PTPRG: variants seen among roughly 807,000 people sequenced by gnomAD.
PTPRG encodes protein tyrosine phosphatase receptor type G, also known as receptor-type tyrosine-protein phosphatase gamma.
PTPRG carries 102 observed loss-of-function variants against 165.3 expected under a neutral mutation model. The observed-to-expected ratio is 0.62, with a 90% confidence interval of 0.53 to 0.73. PTPRG has a LOEUF of 0.73. PTPRG is among the 30% of genes least tolerant of loss of function. The probability of loss-of-function intolerance (pLI) is 0.00; values close to 1 mark genes in which losing one functional copy is unlikely to be tolerated. For missense variants in PTPRG, 1,866 were observed against 1,861.4 expected, an observed-to-expected ratio of 1.00 and a Z score of -0.05; for synonymous variants, 675 against 669.5, an observed-to-expected ratio of 1.01 and a Z score of -0.13.
At chr3:62,122,596 C>G (rs571858584) in intron 5 of PTPRG, among the ~76,000 whole-genome samples, 12 of 152,208 alleles carry the variant, frequency 7.9e-5, no homozygotes, top group African/African-American at 2.7e-4. Flanking sequence ...GCACCTTTCA[C>G]TTAGGTTCTG....
At chr3:62,205,146 C>A (rs1700197729) in intron 12 of PTPRG, among the ~76,000 whole-genome samples, 1 of 151,986 alleles carries the variant, frequency 6.6e-6, no homozygotes, top group Admixed American at 6.6e-5. Flanking sequence ...CTTAAAGCTG[C>A]TATGAACTAA....
rs2148901970 is a variant in PTPRG, at chr3:62,289,932, G to A, written c.4056-2489G>A. On this transcript the variant is annotated intron_variant, in intron 28 of 29. Transcript: ENST00000474889. ...AGAAGAAGCGTAAAAGATAAAAAGA[G>A]GGAAAGTTCGCATTATTGGCAGATA... Among the ~76,000 whole-genome samples, 2 of 152,114 alleles carry A rather than the reference G, an allele frequency of 1.3e-5. 1 individual carries two copies. Among genetic ancestry groups the A allele is most frequent in the South Asian group, 4.2e-4 (2 of 4,808 alleles).
At chr3:62,280,386 T>A (rs1328517656) in intron 26 of PTPRG, among the ~76,000 whole-genome samples, 2 of 151,928 alleles carry the variant, frequency 1.3e-5, no homozygotes, top group African/African-American at 4.8e-5. Context: ...AGTAGTAGAA[T>A]CATGAAATAC....
chr3:61,591,293 C>T (rs1575523043), intron 1 of PTPRG, among the ~76,000 whole-genome samples: 1 of 152,170 alleles, frequency 6.6e-6, no homozygotes, highest in African/African-American at 2.4e-5. Context: ...GTACTGGATA[C>T]CCGAGGGCAA....
At chr3:61,574,841 A>G (rs1292265110) in intron 1 of PTPRG, among the ~76,000 whole-genome samples, 3 of 152,188 alleles carry the variant, frequency 2.0e-5, no homozygotes, top group Non-Finnish European at 4.4e-5. Flanking sequence ...GGCAAAACCC[A>G]AGTGATGCCC....
chr3:61,835,563 A>G (rs2036432550), intron 2 of PTPRG, among the ~76,000 whole-genome samples: 1 of 151,626 alleles, frequency 6.6e-6, no homozygotes, highest in Middle Eastern at 3.2e-3. Flanking sequence ...CGAACTCTTG[A>G]CCTTGTGATC....
chr3:61,969,117 G>T (rs941924588), intron 2 of PTPRG, among the ~76,000 whole-genome samples: 3 of 152,176 alleles, frequency 2.0e-5, no homozygotes, highest in South Asian at 4.1e-4. Flanking sequence ...GACACAGAAT[G>T]GGGTGAGGAG....
Position 61,820,603 on chromosome 3 carries a change from G to GTTTTTTTTTTTTT in PTPRG, c.190+71635_190+71647dup, listed in dbSNP as rs11329820. ...TTTAATTTCTTGTTCCTGTGTCTCTGTTTTTTTTTTTTTTTTTTTTTTTTT... is the reference window on the plus strand; with the variant it reads ...TTTAATTTCTTGTTCCTGTGTCTCTGTTTTTTTTTTTTTTTTTTTTTTTTTTTTTTTTTTTTTT... On this transcript the variant is annotated intron_variant, in intron 2 of 29. Transcript: ENST00000474889. Among the ~76,000 whole-genome samples, 34 of 65,728 alleles carry GTTTTTTTTTTTTT rather than the reference G, an allele frequency of 5.2e-4. 4 individuals carry two copies. The highest frequency in any genetic ancestry group is 1.7e-3 in the African/African-American group (26 of 15,370). 43.1% of individuals were successfully genotyped at this position (65,728 alleles called of 152,430 possible).
chr3:62,012,473 T>C (rs533679952), intron 4 of PTPRG, among the ~76,000 whole-genome samples: 1 of 152,260 alleles, frequency 6.6e-6, no homozygotes, highest in Non-Finnish European at 1.5e-5. Context: ...AATTTTTAAA[T>C]TTTTTTTATT....
At chr3:62,162,184 C>T (rs915644622) in intron 7 of PTPRG, among the ~76,000 whole-genome samples, 17 of 150,678 alleles carry the variant, frequency 1.1e-4, no homozygotes, top group African/African-American at 3.1e-4. Flanking sequence ...TGATTCGAAC[C>T]GACAGATTAA....
At chr3:61,860,523 C>G (rs1270825968) in intron 2 of PTPRG, among the ~76,000 whole-genome samples, 1 of 147,162 alleles carries the variant, frequency 6.8e-6, no homozygotes, top group African/African-American at 2.5e-5. Context: ...TCACTGCAAC[C>G]TCTGCCTCCC....
At chr3:61,730,043 C>T (rs1174480406) in intron 1 of PTPRG, among the ~76,000 whole-genome samples, 1 of 152,144 alleles carries the variant, frequency 6.6e-6, no homozygotes, top group African/African-American at 2.4e-5. Flanking sequence ...TATTTTGCAC[C>T]TGAGATATGT....
chr3:62,201,482 A>C (rs1485463479), intron 10 of PTPRG, 23 bp from the exon 11 acceptor site: 1 of 1,585,022 alleles, frequency 6.3e-7, no homozygotes, highest in Non-Finnish European at 8.6e-7. Context: ...ATATTGCTTA[A>C]ATGTAATTTC....
chr3:62,159,955 C>G (rs1429365527), intron 7 of PTPRG, among the ~76,000 whole-genome samples: 1 of 152,222 alleles, frequency 6.6e-6, no homozygotes, highest in African/African-American at 2.4e-5. Context: ...CCTTCCCACC[C>G]TGACCCTGCC....
chr3:62,229,755 T>C lies in PTPRG; in HGVS notation c.2289-1470T>C, dbSNP rs1454644333. 6.6e-6 allele frequency among the ~76,000 whole-genome samples: 1 copy of C among 152,180 alleles called. No individual in the cohort carries two copies. Among genetic ancestry groups the C allele is most frequent in the Non-Finnish European group, 1.5e-5 (1 of 68,046 alleles). On this transcript the variant is annotated intron_variant, in intron 13 of 29. Coordinates refer to ENST00000474889, the MANE Select transcript of PTPRG (RefSeq NM_002841.4). The surrounding 1 kb of genome is among the most constrained non-coding windows in gnomAD (Gnocchi z 4.6). ...ATATCTCAATTATTCAAGATATTAG[T>C]TATTGATTGTGTGGCATTTGCTTCT...
intron 2 of PTPRG, among the ~76,000 whole-genome samples, chr3:61,789,963 T>C (rs2034820485): frequency 6.6e-6 from 1 of 152,208 alleles, no homozygotes; most frequent in African/African-American, 2.4e-5. Flanking sequence ...CATCACATGA[T>C]TTAGTGCTTC....
Position 61,952,061 on chromosome 3 carries a change from T to A in PTPRG, c.191-37564T>A, listed in dbSNP as rs567221098. On this transcript the variant is annotated intron_variant, in intron 2 of 29. Transcript: ENST00000474889. ...TGAACCAGGGAGTCGGAGGTTGCAG[T>A]GAGCTGAGATCACGCCACAGCACTG... Among the ~76,000 whole-genome samples, 22 of 136,790 alleles carry A rather than the reference T, an allele frequency of 1.6e-4. No homozygotes were observed. The East Asian group carries it at 4.4e-3, about 28-fold the overall frequency. The allele number at this position is 136,790 out of a possible 152,430, so 89.7% of individuals were successfully genotyped here.
At chr3:62,017,039 C>CG (rs1394035181) in intron 4 of PTPRG, among the ~76,000 whole-genome samples, 1 of 152,164 alleles carries the variant, frequency 6.6e-6, no homozygotes, top group Non-Finnish European at 1.5e-5. Flanking sequence ...CCCTCACCCC[C>CG]GTATACTGCA....
chr3:61,743,848 G>A (rs2033096523), intron 1 of PTPRG, among the ~76,000 whole-genome samples: 1 of 152,120 alleles, frequency 6.6e-6, no homozygotes, highest in Non-Finnish European at 1.5e-5. Context: ...TCATAAGCAT[G>A]CTCCATTTTT....
Sources: gnomAD v4.1 joint callset for allele counts (sites outside exome capture counted in the v4.1 genomes callset) on GRCh38, gnomAD v4.1.1 for gene constraint, Gnocchi (gnomAD v3.1) non-coding constraint, MANE v1.5 for transcripts, NCBI Gene and HGNC (gene_info 2026-07-23, HGNC 2026-07-21) for gene names.